RNF115: variants seen among roughly 807,000 people sequenced by gnomAD.
RNF115 encodes E3 ubiquitin-protein ligase RNF115.
RNF115 carries 31 observed loss-of-function variants against 39.2 expected under a neutral mutation model. The ratio of observed to expected loss-of-function variants is 0.79; its 90% confidence interval spans 0.59 to 1.07. The LOEUF (loss-of-function observed/expected upper bound fraction) is 1.07. Among genes scored for constraint, RNF115 ranks in the 50% least tolerant of loss-of-function variants. RNF115 has a pLI of 0.00. For synonymous variants in RNF115, 124 were observed against 131.0 expected (o/e 0.95, Z 0.37); for missense variants, 384 against 381.7 (o/e 1.01, Z -0.05).
chr1:145,791,125 G>T (rs1187954962), intron 1 of RNF115, among the ~76,000 whole-genome samples: 2 of 148,362 alleles, frequency 1.3e-5, no homozygotes, highest in African/African-American at 5.0e-5. Context: ...CTGGGCGACA[G>T]ATCGAGACTC....
In RNF115 at chr1:145,745,459, A is replaced by ATTTTTTT. The variant is rs111376607; in HGVS notation, c.*1400_*1406dup. The ATTTTTTT allele has an allele frequency of 7.2e-6, 1 of 138,616 alleles. No individual in the cohort carries two copies. The highest frequency in any genetic ancestry group is 1.5e-5 in the Non-Finnish European group (1 of 64,698). The allele number at this position is 138,616 out of a possible 1,614,324, so 8.6% of individuals were successfully genotyped here. A position where few individuals can be genotyped will look rare whatever the true frequency, so the allele number is the denominator to read the frequency against. ...AAACAAAAAAAGCAGTGAGTTGGGG[A>ATTTTTTT]TTTTTTTTTTTTTTTTGAGATGGAG... is the stretch of plus-strand genomic sequence containing the variant. On this transcript the variant is annotated 3_prime_UTR_variant, in exon 9 of 9. Coordinates refer to ENST00000582693, the MANE Select transcript of RNF115 (RefSeq NM_014455.4).
chr1:145,761,019 CT>C (rs1238773173), intron 4 of RNF115, among the ~76,000 whole-genome samples: 1 of 152,188 alleles, frequency 6.6e-6, no homozygotes, highest in Non-Finnish European at 1.5e-5. Context: ...AACAAAGAGA[CT>C]GGCAGCATTT....
intron 1 of RNF115, among the ~76,000 whole-genome samples, chr1:145,797,633 G>C (rs1363331922): frequency 1.3e-5 from 2 of 152,136 alleles, no homozygotes; most frequent in African/African-American, 4.8e-5. Flanking sequence ...CTGAGGTCCT[G>C]CATTGAATAC....
At chr1:145,763,436 G>A (rs782240615) in intron 4 of RNF115, among the ~76,000 whole-genome samples, 1 of 152,146 alleles carries the variant, frequency 6.6e-6, no homozygotes, top group Non-Finnish European at 1.5e-5. Context: ...AGTGGCTCAC[G>A]CCTGTAATCC....
chr1:145,815,256 G>A (rs1649936106), intron 1 of RNF115, among the ~76,000 whole-genome samples: 1 of 152,306 alleles, frequency 6.6e-6, no homozygotes, highest in African/African-American at 2.4e-5. Flanking sequence ...TTAGATCAAA[G>A]AAGATGATAA....
chr1:145,814,890 G>A (rs1253334559), intron 1 of RNF115, among the ~76,000 whole-genome samples: 1 of 152,084 alleles, frequency 6.6e-6, no homozygotes, highest in Non-Finnish European at 1.5e-5. Flanking sequence ...TTGTACCACT[G>A]TAGCCTTTTA....
rs1220251443 is a variant in RNF115 at position 145,743,233 on chromosome 1, T to C, written c.*3633A>G. Reference sequence around the variant, plus strand: ...GAATACAGCACATGGCCCTCCCTAATGTAAGTGGCCCTCATCCAATCAGTT... The same window carrying C: ...GAATACAGCACATGGCCCTCCCTAACGTAAGTGGCCCTCATCCAATCAGTT... On this transcript the variant is annotated 3_prime_UTR_variant, in exon 9 of 9. Coordinates refer to ENST00000582693, the MANE Select transcript of RNF115 (RefSeq NM_014455.4). The C allele has an allele frequency of 6.6e-6, 1 of 152,146 alleles. No individual in the cohort carries two copies. The allele number at this position is 152,146 out of a possible 1,614,324, so 9.4% of individuals were successfully genotyped here.
At chr1:145,785,675 G>A (rs1648345144) in intron 2 of RNF115, among the ~76,000 whole-genome samples, 1 of 152,130 alleles carries the variant, frequency 6.6e-6, no homozygotes. Flanking sequence ...TTCATTTGTA[G>A]GATTACAATA....
chr1:145,782,408 G>A (rs1426422158), intron 3 of RNF115, among the ~76,000 whole-genome samples: 1 of 152,068 alleles, frequency 6.6e-6, no homozygotes, highest in Admixed American at 6.6e-5. Flanking sequence ...GATCACTTAA[G>A]CTCAGAAGTT....
intron 1 of RNF115, among the ~76,000 whole-genome samples, chr1:145,798,958 G>T (rs1553720463): frequency 6.6e-6 from 1 of 151,594 alleles, no homozygotes; most frequent in East Asian, 1.9e-4. Context: ...TTTTCAAGTT[G>T]TTCACTGTGT....
At chr1:145,747,696 C>A (rs1204225305) in intron 8 of RNF115, among the ~76,000 whole-genome samples, 2 of 152,096 alleles carry the variant, frequency 1.3e-5, no homozygotes, top group Non-Finnish European at 2.9e-5. Flanking sequence ...GCAGGCCACA[C>A]CACAGCTGTT....
In RNF115 at chr1:145,823,903, G is replaced by A; in HGVS notation, c.-30C>T. ...GCCCTCCGCCGCGGCCGTCCGAGAGGGCAGCCGGCCCGTCCCTCGCCAGGC... is the reference window on the plus strand; with the variant it reads ...GCCCTCCGCCGCGGCCGTCCGAGAGAGCAGCCGGCCCGTCCCTCGCCAGGC... On this transcript the variant is annotated 5_prime_UTR_variant, in exon 1 of 9. Coordinates refer to ENST00000582693, the MANE Select transcript of RNF115 (RefSeq NM_014455.4). 4.1e-6 allele frequency: 6 copies of A among 1,468,960 alleles called. No individual in the cohort carries two copies. Among genetic ancestry groups the A allele is most frequent in the Non-Finnish European group, 5.4e-6 (6 of 1,102,266 alleles). 91.0% of individuals were successfully genotyped at this position (1,468,960 alleles called of 1,614,324 possible). A position where few individuals can be genotyped will look rare whatever the true frequency, so the allele number is the denominator to read the frequency against.
chr1:145,793,013 C>G (rs868931464), intron 1 of RNF115, among the ~76,000 whole-genome samples: 2 of 152,172 alleles, frequency 1.3e-5, no homozygotes, highest in African/African-American at 2.4e-5. Flanking sequence ...AACTCCATCC[C>G]TTTCCCATTC....
Position 145,790,620 on chromosome 1 carries a change from C to T in RNF115, c.103-1654G>A, listed in dbSNP as rs189593406. On this transcript the variant is annotated intron_variant, in intron 1 of 8. Coordinates refer to ENST00000582693, the MANE Select transcript of RNF115 (RefSeq NM_014455.4). ...GCTAATTTTGTATTTTTAGTAGAGACGGGGTTTTACCATGTTGGTCAGGCT... is the reference window on the plus strand; with the variant it reads ...GCTAATTTTGTATTTTTAGTAGAGATGGGGTTTTACCATGTTGGTCAGGCT... Among the ~76,000 whole-genome samples the T allele has an allele frequency of 5.0e-3, 763 of 151,866 alleles. 7 individuals are homozygous for T. The highest frequency in any genetic ancestry group is 0.018 in the African/African-American group (728 of 41,418).
rs1334943003 is a variant in RNF115, at chr1:145,740,570, A to G, written c.*6296T>C. On this transcript the variant is annotated 3_prime_UTR_variant, in exon 9 of 9. Coordinates refer to ENST00000582693, the MANE Select transcript of RNF115 (RefSeq NM_014455.4). Reference sequence around the variant, plus strand: ...ATAATAGGTGGTTTTCTGGACACGCATCTTAGCCCCAATCTGTATGAGTGA... The same window carrying G: ...ATAATAGGTGGTTTTCTGGACACGCGTCTTAGCCCCAATCTGTATGAGTGA... 1 of 152,288 alleles carries G rather than the reference A, an allele frequency of 6.6e-6. No homozygotes were observed. The highest frequency in any genetic ancestry group is 2.4e-5 in the African/African-American group (1 of 41,452). 9.4% of individuals were successfully genotyped at this position (152,288 alleles called of 1,614,324 possible). A position where few individuals can be genotyped will look rare whatever the true frequency, so the allele number is the denominator to read the frequency against.
chr1:145,764,039 A>G (rs1016911800), intron 4 of RNF115, among the ~76,000 whole-genome samples: 10 of 152,132 alleles, frequency 6.6e-5, no homozygotes, highest in East Asian at 1.9e-4. Flanking sequence ...TCAGCCTGCC[A>G]AGTGCCTGCT....
intron 3 of RNF115, among the ~76,000 whole-genome samples, chr1:145,781,859 A>T (rs1553717448): frequency 6.6e-6 from 1 of 150,756 alleles, no homozygotes; most frequent in African/African-American, 2.4e-5. Context: ...TACTTGTTAC[A>T]TATACCCCAG....
intron 4 of RNF115, among the ~76,000 whole-genome samples, chr1:145,761,708 G>A (rs1253912562): frequency 1.3e-5 from 2 of 152,214 alleles, no homozygotes; most frequent in Admixed American, 1.3e-4. Flanking sequence ...TGTGGGGTGG[G>A]AGCCCCCACA....
chr1:145,759,257 T>C (rs1188245394), intron 4 of RNF115, among the ~76,000 whole-genome samples: 2 of 152,226 alleles, frequency 1.3e-5, no homozygotes, highest in African/African-American at 4.8e-5. Flanking sequence ...ATATCATATA[T>C]AGGCCACAAC....
Sources: gnomAD v4.1 joint callset for allele counts (sites outside exome capture counted in the v4.1 genomes callset) on GRCh38, gnomAD v4.1.1 for gene constraint, MANE v1.5 for transcripts, NCBI Gene and HGNC (gene_info 2026-07-23, HGNC 2026-07-21) for gene names.